NCAM2: variants seen among roughly 807,000 people sequenced by gnomAD.
NCAM2 encodes the protein neural cell adhesion molecule 2.
NCAM2 carries 30 observed loss-of-function variants against 98.1 expected under a neutral mutation model. The observed-to-expected ratio is 0.31, with a 90% CI of 0.23 to 0.41. NCAM2 has a LOEUF of 0.41. Ranked by LOEUF, NCAM2 falls within the 10% of genes least tolerant of loss-of-function variation. NCAM2 has a pLI of 1.00. For missense variants in NCAM2, 867 were observed against 1,005.8 expected, an observed-to-expected ratio of 0.86 and a Z score of 1.87; for synonymous variants, 368 against 342.4, an observed-to-expected ratio of 1.07 and a Z score of -0.83.
Position 21,287,139 on chromosome 21 carries a change from C to G in NCAM2, c.481+727C>G, listed in dbSNP as rs561720433. ...TTACATTATGTTCCTTTACCATGTTCATAGGGAGCATTTTCAATTTAGAAT... is the reference window on the plus strand; with the variant it reads ...TTACATTATGTTCCTTTACCATGTTGATAGGGAGCATTTTCAATTTAGAAT... On this transcript the variant is annotated intron_variant, in intron 4 of 17. Coordinates refer to ENST00000400546, the MANE Select transcript of NCAM2 (RefSeq NM_004540.5). Among the ~76,000 whole-genome samples the G allele has an allele frequency of 5.3e-5, 8 of 152,024 alleles. No individual in the cohort carries two copies. The South Asian group carries it at 1.2e-3, about 24-fold the overall frequency.
At chr21:21,529,447 A>G (rs567366446) in intron 16 of NCAM2, among the ~76,000 whole-genome samples, 22 of 152,266 alleles carry the variant, frequency 1.4e-4, no homozygotes, top group Admixed American at 3.9e-4. Flanking sequence ...GTTATTCTAC[A>G]TAGTAGAGTT....
At chr21:21,213,364 T>C (rs893971756) in intron 1 of NCAM2, among the ~76,000 whole-genome samples, 4 of 152,120 alleles carry the variant, frequency 2.6e-5, no homozygotes, top group African/African-American at 7.2e-5. Flanking sequence ...AAAGTCACAG[T>C]TTTAGATAGA....
At chr21:21,329,146 G>T (rs1158232591) in intron 6 of NCAM2, among the ~76,000 whole-genome samples, 1 of 151,812 alleles carries the variant, frequency 6.6e-6, no homozygotes, top group Non-Finnish European at 1.5e-5. Context: ...GTAGAGACGG[G>T]TTTCACCATG....
chr21:21,318,468 G>A (rs937451934), intron 5 of NCAM2, among the ~76,000 whole-genome samples: 7 of 152,002 alleles, frequency 4.6e-5, no homozygotes, highest in Non-Finnish European at 7.4e-5. Flanking sequence ...GTGGTAAAAT[G>A]TCGTAGACAT....
chr21:21,302,774 C>A (rs1009817919), intron 5 of NCAM2, among the ~76,000 whole-genome samples: 2 of 152,092 alleles, frequency 1.3e-5, no homozygotes. Flanking sequence ...GAATATAGAT[C>A]ATTATACCAA....
chr21:21,152,726 C>G (rs1241104189), intron 1 of NCAM2, among the ~76,000 whole-genome samples: 2 of 151,952 alleles, frequency 1.3e-5, no homozygotes, highest in African/African-American at 4.8e-5. Context: ...TTGGAAATCT[C>G]TCAGCAACCT....
At chr21:21,175,962 T>C (rs2068273708) in intron 1 of NCAM2, among the ~76,000 whole-genome samples, 1 of 152,212 alleles carries the variant, frequency 6.6e-6, no homozygotes, top group South Asian at 2.1e-4. Flanking sequence ...GCAGAAAATG[T>C]GGTTTAAAAC....
intron 9 of NCAM2, among the ~76,000 whole-genome samples, chr21:21,404,587 G>A (rs1421419882): frequency 1.3e-5 from 2 of 151,888 alleles, no homozygotes; most frequent in African/African-American, 4.8e-5. Flanking sequence ...GTCTTTATCA[G>A]CAACATGAAA....
chr21:21,112,396 G>T (rs2066471009), intron 1 of NCAM2, among the ~76,000 whole-genome samples: 1 of 152,048 alleles, frequency 6.6e-6, no homozygotes, highest in Non-Finnish European at 1.5e-5. Flanking sequence ...ATAAAGACCT[G>T]GCCTATCCTT....
intron 1 of NCAM2, among the ~76,000 whole-genome samples, chr21:21,243,716 T>C (rs2071157163): frequency 6.6e-6 from 1 of 152,136 alleles, no homozygotes. Context: ...ATGGACGTGT[T>C]CCATGGCTTC....
intron 1 of NCAM2, among the ~76,000 whole-genome samples, chr21:21,209,864 C>T (rs959082725): frequency 1.1e-4 from 17 of 152,120 alleles, no homozygotes; most frequent in Non-Finnish European, 2.5e-4. Context: ...TTATTACTTT[C>T]CCCTCAACCC....
chr21:21,313,225 C>T (rs1047255330), intron 5 of NCAM2, among the ~76,000 whole-genome samples: 1 of 151,390 alleles, frequency 6.6e-6, no homozygotes, highest in South Asian at 2.1e-4. Context: ...CATTATTATC[C>T]TTTTATTTTA....
chr21:21,044,674 G>T (rs2064973733), intron 1 of NCAM2, among the ~76,000 whole-genome samples: 1 of 152,124 alleles, frequency 6.6e-6, no homozygotes, highest in Admixed American at 6.5e-5. Context: ...TAAAAATCCT[G>T]AAAGGATATG....
chr21:21,183,052 T>C (rs1601588612), intron 1 of NCAM2, among the ~76,000 whole-genome samples: 1 of 152,310 alleles, frequency 6.6e-6, no homozygotes, highest in East Asian at 1.9e-4. Flanking sequence ...GCATACATTC[T>C]GTGATAGACT....
chr21:21,251,536 TTATGTATCCAGTC>T (rs1347514223), intron 1 of NCAM2, among the ~76,000 whole-genome samples: 2 of 152,196 alleles, frequency 1.3e-5, no homozygotes, highest in African/African-American at 4.8e-5. Flanking sequence ...GTGCCACATT[TTATGTATCCAGTC>T]TATCATTGAT....
intron 11 of NCAM2, among the ~76,000 whole-genome samples, chr21:21,429,961 A>C (rs970052182): frequency 1.3e-5 from 2 of 152,170 alleles, no homozygotes; most frequent in African/African-American, 4.8e-5. Flanking sequence ...TATGACCTAC[A>C]GTGACCTTTT....
At chr21:21,498,481 A>G (rs991164112) in intron 15 of NCAM2, among the ~76,000 whole-genome samples, 12 of 152,160 alleles carry the variant, frequency 7.9e-5, no homozygotes, top group African/African-American at 2.9e-4. Flanking sequence ...CTCTCATTCA[A>G]TTATTTCTGT....
chr21:21,362,484 C>T (rs1471493801), intron 8 of NCAM2, among the ~76,000 whole-genome samples: 3 of 151,916 alleles, frequency 2.0e-5, no homozygotes, highest in African/African-American at 7.3e-5. Flanking sequence ...GCCTTGAACT[C>T]CTGGGTCAAC....
intron 11 of NCAM2, among the ~76,000 whole-genome samples, chr21:21,430,677 G>T (rs954392255): frequency 6.6e-6 from 1 of 151,914 alleles, no homozygotes; most frequent in Non-Finnish European, 1.5e-5. Flanking sequence ...CATGAGAACA[G>T]CATGGAGAAA....
Sources: allele counts gnomAD v4.1 joint callset (sites outside exome capture counted in the v4.1 genomes callset), GRCh38; gene constraint gnomAD v4.1.1; transcripts MANE v1.5; gene names NCBI Gene and HGNC (gene_info 2026-07-23, HGNC 2026-07-21).